Variants in CTNNA2 observed in about 807,000 individuals in gnomAD.
CTNNA2 encodes catenin alpha-2.
Under a neutral mutation model 101.0 loss-of-function variants are expected in CTNNA2, and 42 were observed. The observed-to-expected ratio is 0.42, with a 90% CI of 0.32 to 0.54. CTNNA2 has a LOEUF of 0.54. CTNNA2 is among the 20% of genes least tolerant of loss of function. The pLI, the probability that CTNNA2 is intolerant of heterozygous loss-of-function variation, is 0.14. For synonymous variants in CTNNA2, 450 were observed against 456.4 expected, an observed-to-expected ratio of 0.99 and a Z score of 0.18; for missense variants, 871 against 1,223.1, an observed-to-expected ratio of 0.71 and a Z score of 4.29.
chr2:80,502,406 C>T (rs1687945943), intron 9 of CTNNA2, among the ~76,000 whole-genome samples: 1 of 152,228 alleles, frequency 6.6e-6, no homozygotes, highest in Admixed American at 6.5e-5. Context: ...TCTGCAGATG[C>T]ACCTGCCCAC....
chr2:79,800,899 T>C (rs986119737), intron 3 of CTNNA2, among the ~76,000 whole-genome samples: 2 of 152,142 alleles, frequency 1.3e-5, no homozygotes, highest in African/African-American at 4.8e-5. Flanking sequence ...TAGAAAGTGG[T>C]TATGGAGATT....
At chr2:79,933,573 G>C (rs1488192121) in intron 7 of CTNNA2, among the ~76,000 whole-genome samples, 1 of 151,738 alleles carries the variant, frequency 6.6e-6, no homozygotes, top group African/African-American at 2.4e-5. Context: ...TCCTGCCTCA[G>C]CCTCCCTAGT....
chr2:79,288,069 G>T (rs185878326), intron 2 of CTNNA2, among the ~76,000 whole-genome samples: 33 of 152,294 alleles, frequency 2.2e-4, no homozygotes, highest in African/African-American at 7.7e-4. Context: ...GACCCCTTGC[G>T]CTTGCCAAGT....
chr2:80,462,738 A>T (rs542574559), intron 9 of CTNNA2, among the ~76,000 whole-genome samples: 11 of 150,658 alleles, frequency 7.3e-5, no homozygotes, highest in African/African-American at 2.7e-4. Flanking sequence ...TCGAAAAGAC[A>T]CTAGGACATG....
chr2:80,488,495 T>G (rs1686778623), intron 9 of CTNNA2, among the ~76,000 whole-genome samples: 1 of 152,232 alleles, frequency 6.6e-6, no homozygotes, highest in East Asian at 1.9e-4. Context: ...AAAAACCTTC[T>G]CTCCATAAGC....
At chr2:79,704,749 G>C (rs1049638974) in intron 2 of CTNNA2, among the ~76,000 whole-genome samples, 2 of 151,764 alleles carry the variant, frequency 1.3e-5, no homozygotes, top group Non-Finnish European at 2.9e-5. Flanking sequence ...TCCTGACCTC[G>C]TCATCCACCC....
intron 3 of CTNNA2, among the ~76,000 whole-genome samples, chr2:79,745,502 C>T (rs754127910): frequency 2.0e-5 from 3 of 152,036 alleles, no homozygotes; most frequent in South Asian, 4.2e-4. Context: ...ATACTGTTAA[C>T]GATATTCATA....
chr2:79,345,240 A>G (rs1326464931), intron 3 of CTNNA2, among the ~76,000 whole-genome samples: 1 of 152,146 alleles, frequency 6.6e-6, no homozygotes, highest in Non-Finnish European at 1.5e-5. Flanking sequence ...TGTTGTTTCT[A>G]CATACACTGA....
At chr2:79,936,469 C>T (rs948967272) in intron 7 of CTNNA2, among the ~76,000 whole-genome samples, 8 of 152,034 alleles carry the variant, frequency 5.3e-5, no homozygotes, top group Non-Finnish European at 1.2e-4. Flanking sequence ...CTCCTCTTGG[C>T]TCTTGCCTGC....
At chr2:79,904,358 C>G (rs1202971177) in intron 6 of CTNNA2, among the ~76,000 whole-genome samples, 2 of 152,082 alleles carry the variant, frequency 1.3e-5, no homozygotes, top group Non-Finnish European at 2.9e-5. Context: ...TGATTATACT[C>G]TCAGTTATCT....
chr2:79,598,156 T>C (rs150608147), intron 1 of CTNNA2, among the ~76,000 whole-genome samples: 13 of 152,352 alleles, frequency 8.5e-5, no homozygotes, highest in African/African-American at 2.2e-4. Context: ...CACATTTCTT[T>C]TCAGTGCTGA....
At chr2:79,258,431 A>G (rs1674875836) in intron 2 of CTNNA2, among the ~76,000 whole-genome samples, 1 of 152,166 alleles carries the variant, frequency 6.6e-6, no homozygotes, top group South Asian at 2.1e-4. Context: ...AAATGATGGC[A>G]TGAAAGCGCT....
chr2:80,102,552 A>G (rs1047070979), intron 7 of CTNNA2, among the ~76,000 whole-genome samples: 6 of 152,052 alleles, frequency 3.9e-5, no homozygotes, highest in African/African-American at 1.4e-4. Context: ...TTGCTCTATT[A>G]CCCAGGCTGG....
chr2:79,966,899 G>A (rs1020581889), intron 7 of CTNNA2, among the ~76,000 whole-genome samples: 9 of 151,548 alleles, frequency 5.9e-5, no homozygotes, highest in Non-Finnish European at 1.2e-4. Flanking sequence ...ACCATACCAG[G>A]CATTTTTTCC....
chr2:79,602,467 C>T (rs1277582033), intron 1 of CTNNA2, among the ~76,000 whole-genome samples: 1 of 151,832 alleles, frequency 6.6e-6, no homozygotes, highest in African/African-American at 2.4e-5. Flanking sequence ...AAAATGATAC[C>T]CATTATCAAC....
chr2:80,040,414 C>CA (rs1695962188), intron 7 of CTNNA2, among the ~76,000 whole-genome samples: 1 of 152,108 alleles, frequency 6.6e-6, no homozygotes, highest in South Asian at 2.1e-4. Flanking sequence ...CTGAGGGTCA[C>CA]ACAGCATGTT....
At chr2:80,235,169 A>G (rs1709479085) in intron 7 of CTNNA2, among the ~76,000 whole-genome samples, 1 of 152,128 alleles carries the variant, frequency 6.6e-6, no homozygotes. Context: ...CTTTAATAAT[A>G]TTTTAAATGT....
chr2:80,113,297 C>CA (rs879480196), intron 7 of CTNNA2, among the ~76,000 whole-genome samples: 3 of 151,988 alleles, frequency 2.0e-5, no homozygotes, highest in Non-Finnish European at 4.4e-5. Flanking sequence ...TAACCAGTGG[C>CA]AAAAAAAGCT....
intron 2 of CTNNA2, among the ~76,000 whole-genome samples, chr2:79,260,791 A>G (rs1167474657): frequency 1.3e-5 from 2 of 152,122 alleles, no homozygotes; most frequent in African/African-American, 4.8e-5. Flanking sequence ...GCTGACCTCC[A>G]ATTCTGAGTC....
Sources: allele counts gnomAD v4.1 joint callset (sites outside exome capture counted in the v4.1 genomes callset), GRCh38; gene constraint gnomAD v4.1.1; transcripts MANE v1.5; gene names NCBI Gene and HGNC (gene_info 2026-07-23, HGNC 2026-07-21).